PTPRM: variants seen among roughly 807,000 people sequenced by gnomAD.
The protein encoded by PTPRM is receptor-type tyrosine-protein phosphatase mu.
In PTPRM, 47 loss-of-function variants were observed where a neutral mutation model predicts 186.7. That is an observed-to-expected ratio of 0.25 (90% CI 0.20 to 0.32). The LOEUF is 0.32. PTPRM is among the 10% of genes least tolerant of loss of function. The probability of loss-of-function intolerance (pLI) is 1.00; values close to 1 mark genes in which losing one functional copy is unlikely to be tolerated. For missense variants in PTPRM, 1,494 were observed against 1,865.0 expected (o/e 0.80, Z 3.66); for synonymous variants, 668 against 674.9 (o/e 0.99, Z 0.16).
intron 11 of PTPRM, among the ~76,000 whole-genome samples, chr18:8,107,564 A>G (rs1462946115): frequency 6.6e-6 from 1 of 152,232 alleles, no homozygotes; most frequent in Non-Finnish European, 1.5e-5. Flanking sequence ...ACACACACCC[A>G]CAGAGCAATA....
chr18:8,193,797 A>C (rs535835167), intron 14 of PTPRM, among the ~76,000 whole-genome samples: 77 of 152,380 alleles, frequency 5.1e-4, no homozygotes, highest in South Asian at 4.8e-3. Flanking sequence ...CTCCAGGCAC[A>C]GTGGCTGTAG....
At chr18:7,837,809 G>C (rs1031061139) in intron 2 of PTPRM, among the ~76,000 whole-genome samples, 1 of 152,104 alleles carries the variant, frequency 6.6e-6, no homozygotes, top group Admixed American at 6.5e-5. Flanking sequence ...GACTTATTTA[G>C]TTCATTTGGT....
Position 7,847,385 on chromosome 18 carries a change from T to C in PTPRM, c.197-40721T>C, listed in dbSNP as rs2046650051. Among the ~76,000 whole-genome samples, 4 of 152,196 alleles carry C rather than the reference T, an allele frequency of 2.6e-5. No individual in the cohort carries two copies. In the South Asian group the frequency reaches 8.3e-4, roughly 32 times the overall value. ...TTTAACCATGTTGCCCAGGCTGGTCTCAAACTCCTGGGCTTAAGCAATCCA... is the reference window on the plus strand; with the variant it reads ...TTTAACCATGTTGCCCAGGCTGGTCCCAAACTCCTGGGCTTAAGCAATCCA... On this transcript the variant is annotated intron_variant, in intron 2 of 32. Coordinates refer to ENST00000580170, the MANE Select transcript of PTPRM (RefSeq NM_001105244.2).
chr18:7,912,896 G>A (rs970220226), intron 4 of PTPRM, among the ~76,000 whole-genome samples: 1 of 152,108 alleles, frequency 6.6e-6, no homozygotes, highest in Non-Finnish European at 1.5e-5. Flanking sequence ...GATATTGATA[G>A]GGATTGTGTT....
rs1600056175 is a variant in PTPRM at position 8,010,986 on chromosome 18, G to A, written c.1132+55572G>A. 2.0e-5 allele frequency among the ~76,000 whole-genome samples: 3 copies of A among 152,226 alleles called. No individual in the cohort carries two copies. In the South Asian group the frequency reaches 6.2e-4, roughly 31 times the overall value. ...GAATGTGGTGTAAAACAAAAATAAA[G>A]CAAAACATATAAGAGGCATTGATGA... On this transcript the variant is annotated intron_variant, in intron 7 of 32. Coordinates refer to ENST00000580170, the MANE Select transcript of PTPRM (RefSeq NM_001105244.2).
At chr18:8,304,550 A>G (rs1029941955) in intron 20 of PTPRM, among the ~76,000 whole-genome samples, 4 of 152,234 alleles carry the variant, frequency 2.6e-5, no homozygotes, top group East Asian at 1.9e-4. Flanking sequence ...GAGTTTCTCA[A>G]AGTGGCAGAG....
At chr18:7,753,366 A>G (rs1598514962) in intron 1 of PTPRM, among the ~76,000 whole-genome samples, 1 of 152,262 alleles carries the variant, frequency 6.6e-6, no homozygotes, top group East Asian at 1.9e-4. Context: ...TCTACATTTT[A>G]AGAGGAAGCA....
chr18:7,913,426 G>A (rs1291869701), intron 4 of PTPRM, among the ~76,000 whole-genome samples: 1 of 152,188 alleles, frequency 6.6e-6, no homozygotes, highest in African/African-American at 2.4e-5. Flanking sequence ...ATCTTAGGAG[G>A]AAAGCTTTCA....
intron 14 of PTPRM, 59 bp downstream of exon 14, chr18:8,143,838 T>C (rs1038903069): frequency 6.3e-7 from 1 of 1,587,934 alleles, no homozygotes; most frequent in Non-Finnish European, 8.6e-7. Context: ...TGGAATGTTT[T>C]GTGTGTGTGA....
At chr18:7,946,124 A>G (rs573575084) in intron 5 of PTPRM, among the ~76,000 whole-genome samples, 9 of 152,332 alleles carry the variant, frequency 5.9e-5, no homozygotes, top group African/African-American at 1.9e-4. Context: ...AGACAGTGCT[A>G]CTGTGAGTCA....
chr18:8,144,125 A>T (rs138051897), intron 14 of PTPRM, among the ~76,000 whole-genome samples: 1 of 152,208 alleles, frequency 6.6e-6, no homozygotes, highest in Non-Finnish European at 1.5e-5. Flanking sequence ...TTTGGTAATC[A>T]CAAAGATATG....
intron 13 of PTPRM, among the ~76,000 whole-genome samples, chr18:8,125,253 T>G (rs964471550): frequency 6.6e-6 from 1 of 151,770 alleles, no homozygotes; most frequent in Non-Finnish European, 1.5e-5. Context: ...TTGACTGAGT[T>G]CATTGAACGG....
At chr18:8,172,475 A>G (rs913236158) in intron 14 of PTPRM, among the ~76,000 whole-genome samples, 1 of 152,102 alleles carries the variant, frequency 6.6e-6, no homozygotes, top group African/African-American at 2.4e-5. Context: ...AACCTGTCTC[A>G]GAATCATCCG....
At chr18:7,598,973 A>G (rs973232786) in intron 1 of PTPRM, among the ~76,000 whole-genome samples, 3 of 152,162 alleles carry the variant, frequency 2.0e-5, no homozygotes, top group Non-Finnish European at 1.5e-5. Context: ...ATCACATTTT[A>G]GACTAAATAA....
intron 2 of PTPRM, among the ~76,000 whole-genome samples, chr18:7,824,863 GC>G (rs1429516555): frequency 6.6e-6 from 1 of 152,182 alleles, no homozygotes; most frequent in East Asian, 1.9e-4. Flanking sequence ...GGCTCTCTGG[GC>G]AGGCAGCGCT....
At chr18:8,063,474 A>T (rs2088791932) in intron 7 of PTPRM, among the ~76,000 whole-genome samples, 1 of 152,126 alleles carries the variant, frequency 6.6e-6, no homozygotes, top group Non-Finnish European at 1.5e-5. Flanking sequence ...CCATTGTGAC[A>T]CTTCTAACCT....
At chr18:8,384,416 C>A in intron 29 of PTPRM, 145 bp from the exon 30 acceptor site, 1 of 894,512 alleles carries the variant, frequency 1.1e-6, no homozygotes, top group Non-Finnish European at 1.7e-6. Flanking sequence ...CATGATCGCA[C>A]CACTGCACTC....
intron 26 of PTPRM, chr18:8,376,822 C>A (rs1041623052): frequency 3.7e-5 from 19 of 511,352 alleles, no homozygotes; most frequent in Non-Finnish European, 5.2e-5. Flanking sequence ...GAATCAAGAG[C>A]CCAAATTTGC....
In PTPRM at chr18:7,896,240, C is replaced by T. The variant is rs114451163; in HGVS notation, c.468+7863C>T. On this transcript the variant is annotated intron_variant, in intron 3 of 32. Coordinates refer to ENST00000580170, the MANE Select transcript of PTPRM (RefSeq NM_001105244.2). ...GCCATTTGAAGAATAATATTTTCCT[C>T]ATGTACTCGCCCTTTTGCTTTATTG... Among the ~76,000 whole-genome samples the T allele has an allele frequency of 8.4e-3, 1,286 of 152,214 alleles. 21 individuals are homozygous for T. The highest frequency in any genetic ancestry group is 0.029 in the African/African-American group (1,222 of 41,526).
Sources: allele counts gnomAD v4.1 joint callset (sites outside exome capture counted in the v4.1 genomes callset), GRCh38; gene constraint gnomAD v4.1.1; transcripts MANE v1.5; gene names NCBI Gene and HGNC (gene_info 2026-07-23, HGNC 2026-07-21).